Variants in CNNM4 observed in about 807,000 individuals in gnomAD.
The protein encoded by CNNM4 is metal transporter CNNM4.
A neutral mutation model predicts 53.7 loss-of-function variants in CNNM4; 32 were observed. That is an observed-to-expected ratio of 0.60 (90% CI 0.45 to 0.80). The LOEUF (loss-of-function observed/expected upper bound fraction) is 0.80, where lower values mean the gene tolerates loss of function less well. Among genes scored for constraint, CNNM4 ranks in the 30% least tolerant of loss-of-function variants. The pLI, the probability that CNNM4 is intolerant of heterozygous loss-of-function variation, is 0.00. For missense variants in CNNM4, 784 were observed against 1,022.0 expected (o/e 0.77, Z 3.17); for synonymous variants, 410 against 440.0 (o/e 0.93, Z 0.85).
chr2:96,801,895 TA>T lies in CNNM4; in HGVS notation c.1948+2248del, dbSNP rs1421110951. 6.8e-6 allele frequency among the ~76,000 whole-genome samples: 1 copy of T among 146,290 alleles called. No individual in the cohort carries two copies. ...AGAAACACCCGTAGACACACCAGGA[TA>T]CACATACACACATAGATACACCACT... On this transcript the variant is annotated intron_variant, in intron 5 of 6. Coordinates refer to ENST00000377075, the MANE Select transcript of CNNM4 (RefSeq NM_020184.4). The surrounding 1 kb of genome is among the most constrained non-coding windows in gnomAD (Gnocchi z 5.6).
rs1052184893 is a variant in CNNM4, at chr2:96,762,400, G to A, written c.1401G>A (p.Lys467=). ...KLDAMLEEFK[K]GKSHLAIVQK... ...ATGCCATGCTGGAGGAGTTCAAGAA[G>A]GGTAAGGCCAGATGTAGTTCCCCTG... Residue 467 remains lysine, a splice_region_variant and synonymous_variant, in exon 1 of 7, where the codon AAG becomes AAA. Transcript: ENST00000377075. 1 of 1,614,000 alleles carries A rather than the reference G, an allele frequency of 6.2e-7. No homozygotes were observed. The highest frequency in any genetic ancestry group is 8.5e-7 in the Non-Finnish European group (1 of 1,179,904).
chr2:96,778,429 GC>G (rs1352415793), intron 1 of CNNM4, among the ~76,000 whole-genome samples: 1 of 151,276 alleles, frequency 6.6e-6, no homozygotes, highest in African/African-American at 2.4e-5. Context: ...ATGGTGGCGG[GC>G]ACCTGTAATC....
rs1452851536 is a variant in CNNM4, at chr2:96,761,102, G to A, written c.103G>A (p.Ala35Thr). 12 of 1,539,856 alleles carry A rather than the reference G, an allele frequency of 7.8e-6. No individual in the cohort carries two copies. In the African/African-American group the frequency reaches 1.1e-4, roughly 14 times the overall value. Residue 35 changes from alanine (A) to threonine (T), a missense_variant, in exon 1 of 7, where the codon GCC (alanine) becomes ACC (threonine). Transcript: ENST00000377075. The surrounding 1 kb of genome is among the most constrained non-coding windows in gnomAD (Gnocchi z 6.0). The stretch of plus-strand genomic sequence containing the variant: ...GCTGGTGCTGCTGTGGGCGCTGGGG[G>A]CCCGGGGCCAGGGCAGCCCCCAGCA... The part of the protein sequence containing the change: ...VLLVLLWALG[A>T]RGQGSPQQGT...
chr2:96,808,433 TGTCCCTAA>T lies in CNNM4; in HGVS notation c.1949-126_1949-119del. The T allele has an allele frequency of 1.1e-6, 1 of 873,028 alleles. No homozygotes were observed. The highest frequency in any genetic ancestry group is 1.7e-5 in the African/African-American group (1 of 60,394). 54.1% of individuals were successfully genotyped at this position (873,028 alleles called of 1,614,324 possible). A position where few individuals can be genotyped will look rare whatever the true frequency, so the allele number is the denominator to read the frequency against. On this transcript the variant is annotated intron_variant, in intron 5 of 6. Coordinates refer to ENST00000377075, the MANE Select transcript of CNNM4 (RefSeq NM_020184.4). This position sits in a 1 kb window ranked among gnomAD's most constrained non-coding sequence, Gnocchi z 4.9. The stretch of plus-strand genomic sequence containing the variant: ...GTCAGACCTTCTACATGCTTCTGTT[TGTCCCTAA>T]GAATGACTTCCTGTTCCTGGGTGGG...
chr2:96,763,874 G>T lies in CNNM4; in HGVS notation c.1402+1473G>T, dbSNP rs553980544. Among the ~76,000 whole-genome samples the T allele has an allele frequency of 1.3e-4, 19 of 150,360 alleles. No homozygotes were observed. The South Asian group carries it at 3.6e-3, about 29-fold the overall frequency. On this transcript the variant is annotated intron_variant, in intron 1 of 6. Transcript: ENST00000377075. ...CAGACCCCTAGTGGTGAAGGCAGAG[G>T]CTGCGGTGGGGTGGGGGTGGGGGCG... is the stretch of plus-strand genomic sequence containing the variant.
intron 1 of CNNM4, among the ~76,000 whole-genome samples, chr2:96,773,578 C>T (rs1036538050): frequency 3.9e-5 from 6 of 152,112 alleles, no homozygotes; most frequent in African/African-American, 1.4e-4. Context: ...CGCGGTGGCT[C>T]ATGGCTGTAA....
At chr2:96,802,107 C>T (rs1238659370) in intron 5 of CNNM4, among the ~76,000 whole-genome samples, 1 of 151,192 alleles carries the variant, frequency 6.6e-6, no homozygotes, top group African/African-American at 2.4e-5. Flanking sequence ...ACAGATACAC[C>T]CATAGACACA....
At position 96,762,324 on chromosome 2, in the gene CNNM4, C is replaced by T; in HGVS notation, c.1325C>T (p.Thr442Ile). ...PDDCTPLKTI[T>I]RFYNHPVHFV... ...GACTGCACCCCCCTCAAGACTATCA[C>T]TCGCTTCTATAACCACCCGGTGCAC... Residue 442 changes from threonine to isoleucine, a missense_variant, in exon 1 of 7, where the codon ACT becomes ATT. Thr to Ile is a moderately conservative substitution (Grantham distance 89). This residue lies in a region of CNNM4 where 473 missense variants were observed against 624.6 expected (regional missense o/e 0.76). Coordinates refer to ENST00000377075, the MANE Select transcript of CNNM4 (RefSeq NM_020184.4). The T allele has an allele frequency of 6.2e-7, 1 of 1,614,178 alleles. No homozygotes were observed. Among genetic ancestry groups the T allele is most frequent in the Non-Finnish European group, 8.5e-7 (1 of 1,180,034 alleles).
chr2:96,779,172 A>G (rs2078951780), intron 1 of CNNM4, among the ~76,000 whole-genome samples: 1 of 152,032 alleles, frequency 6.6e-6, no homozygotes, highest in South Asian at 2.1e-4. Context: ...GTTAGCCAGG[A>G]TGGTCTCGAT....
At chr2:96,768,485 G>A (rs2078838338) in intron 1 of CNNM4, among the ~76,000 whole-genome samples, 1 of 152,238 alleles carries the variant, frequency 6.6e-6, no homozygotes, top group Non-Finnish European at 1.5e-5. Flanking sequence ...AGGCCTGTGA[G>A]ATGCTTCTGA....
In CNNM4 at chr2:96,797,824, C is replaced by T. The variant is rs564019337; in HGVS notation, c.1681+177C>T. ...TGCTCCACCCCTGGGGATCTCCCTGCGATTCATTTGCCATTAATGGGCGGC... is the reference window on the plus strand; with the variant it reads ...TGCTCCACCCCTGGGGATCTCCCTGTGATTCATTTGCCATTAATGGGCGGC... On this transcript the variant is annotated intron_variant, in intron 3 of 6. Transcript: ENST00000377075. This position sits in a 1 kb window ranked among gnomAD's most constrained non-coding sequence, Gnocchi z 6.0. Among the ~76,000 whole-genome samples, 43 of 152,146 alleles carry T rather than the reference C, an allele frequency of 2.8e-4. No homozygotes were observed. The highest frequency in any genetic ancestry group is 5.1e-4 in the Non-Finnish European group (35 of 68,018).
At chr2:96,777,085 A>C (rs1160822034) in intron 1 of CNNM4, among the ~76,000 whole-genome samples, 1 of 151,604 alleles carries the variant, frequency 6.6e-6, no homozygotes, top group African/African-American at 2.4e-5. Flanking sequence ...TAATGGCGCA[A>C]TCTCAGCTCA....
chr2:96,765,024 G>GTTTTGTTTTTTTTGTTT (rs2078801834), intron 1 of CNNM4, among the ~76,000 whole-genome samples: 2 of 41,518 alleles, frequency 4.8e-5, no homozygotes, highest in African/African-American at 1.8e-4. Flanking sequence ...GTTGGGAATG[G>GTTTTGTTTTTTTTGTTT]TTTTTTTTTT....
In CNNM4 at chr2:96,811,271, GA is replaced by G. The variant is rs1471654943; in HGVS notation, c.*1757del. ...ACCAGACTTTTGTTCCCTAGTGGGG[GA>G]AAGCCCTTAGTCTTGTACAGGAGCA... On this transcript the variant is annotated 3_prime_UTR_variant, in exon 7 of 7. Transcript: ENST00000377075. 1 of 152,226 alleles carries G rather than the reference GA, an allele frequency of 6.6e-6. No individual in the cohort carries two copies. Among genetic ancestry groups the G allele is most frequent in the East Asian group, 1.9e-4 (1 of 5,206 alleles). The allele number at this position is 152,226 out of a possible 1,614,324, so 9.4% of individuals were successfully genotyped here.
chr2:96,764,986 C>CA (rs370805733), intron 1 of CNNM4, among the ~76,000 whole-genome samples: 1,086 of 55,810 alleles, frequency 0.019, 16 homozygotes, highest in African/African-American at 0.06. Flanking sequence ...GACTCTGTTT[C>CA]AAAAAAAAAA....
At position 96,761,611 on chromosome 2, in the gene CNNM4, C is replaced by T; in HGVS notation, c.612C>T (p.Leu204=). The stretch of plus-strand genomic sequence containing the variant: ...CGGGCATATTTTCTGGCCTCAACCT[C>T]GGGCTTATGGCCCTGGACCCCATGG... The part of the protein sequence containing the change: ...VLSGIFSGLN[L]GLMALDPMEL... Residue 204 remains leucine, a synonymous_variant, in exon 1 of 7, where the codon CTC becomes CTT. Transcript: ENST00000377075. The surrounding 1 kb of genome is among the most constrained non-coding windows in gnomAD (Gnocchi z 6.0). The T allele has an allele frequency of 5.0e-6, 8 of 1,614,098 alleles. No individual in the cohort carries two copies. The highest frequency in any genetic ancestry group is 6.8e-6 in the Non-Finnish European group (8 of 1,180,030).
intron 1 of CNNM4, among the ~76,000 whole-genome samples, chr2:96,780,235 A>G (rs1169023983): frequency 2.0e-5 from 3 of 152,024 alleles, no homozygotes; most frequent in Non-Finnish European, 4.4e-5. Flanking sequence ...ATTCCTAGTT[A>G]TTTGGTGATC....
At chr2:96,805,863 G>A (rs1175157340) in intron 5 of CNNM4, among the ~76,000 whole-genome samples, 1 of 151,002 alleles carries the variant, frequency 6.6e-6, no homozygotes, top group Middle Eastern at 3.4e-3. Context: ...ACACAGACAC[G>A]GCAACCATCC....
intron 5 of CNNM4, among the ~76,000 whole-genome samples, chr2:96,805,438 TTA>T (rs1491061382): frequency 3.3e-4 from 44 of 133,232 alleles, no homozygotes; most frequent in African/African-American, 8.2e-4. Context: ...TTTTTTTTTT[TTA>T]TTATTTTTTT....
Sources: gnomAD v4.1 joint callset for allele counts (sites outside exome capture counted in the v4.1 genomes callset) on GRCh38, gnomAD v4.1.1 for gene constraint, gnomAD v4.1.1 regional missense constraint, Gnocchi (gnomAD v3.1) non-coding constraint, MANE v1.5 for transcripts, NCBI Gene and HGNC (gene_info 2026-07-23, HGNC 2026-07-21) for gene names.